Variants in TXK observed in about 807,000 individuals in gnomAD.
TXK encodes the protein tyrosine-protein kinase TXK.
In TXK, 60 loss-of-function variants were observed where a neutral mutation model predicts 81.0. The ratio of observed to expected loss-of-function variants is 0.74; its 90% CI spans 0.60 to 0.92. The LOEUF (loss-of-function observed/expected upper bound fraction) is 0.92, where lower values mean the gene tolerates loss of function less well. TXK is among the 40% of genes least tolerant of loss of function. TXK has a pLI of 0.00. For missense variants in TXK, 581 were observed against 638.3 expected (o/e 0.91, Z 0.97); for synonymous variants, 203 against 210.7 (o/e 0.96, Z 0.32).
chr4:48,117,286 C>T (rs762375310), intron 1 of TXK, among the ~76,000 whole-genome samples: 19 of 152,214 alleles, frequency 1.2e-4, no homozygotes, highest in Non-Finnish European at 2.1e-4. Flanking sequence ...CCCAAATATC[C>T]ATTCCTGTAG....
rs1716667985 is a variant in TXK at position 48,067,751 on chromosome 4, T to C, written c.1516-46A>G. 5.7e-6 allele frequency: 9 copies of C among 1,574,054 alleles called. No individual in the cohort carries two copies. In the East Asian group the frequency reaches 1.1e-4, roughly 20 times the overall value. ...TGGTTAGCTCAGCTTAACCAACTTA[T>C]GCCAAGGGTTCCATTTTTGGAACGC... On this transcript the variant is annotated intron_variant, in intron 14 of 14. Coordinates refer to ENST00000264316, the MANE Select transcript of TXK (RefSeq NM_003328.3).
chr4:48,117,094 G>A, intron 1 of TXK, among the ~76,000 whole-genome samples: 1 of 152,102 alleles, frequency 6.6e-6, no homozygotes, highest in East Asian at 1.9e-4. Context: ...CACCATGTTG[G>A]CCAGCCTAGT....
At chr4:48,130,983 G>T (rs1335359430) in intron 1 of TXK, among the ~76,000 whole-genome samples, 2 of 152,168 alleles carry the variant, frequency 1.3e-5, no homozygotes, top group Non-Finnish European at 2.9e-5. Flanking sequence ...GAAAGGCAGA[G>T]AAATTAGGCA....
chr4:48,095,019 G>C (rs993896857), intron 7 of TXK, 124 bp downstream of exon 7: 2 of 755,840 alleles, frequency 2.6e-6, no homozygotes, highest in Admixed American at 2.3e-5. Context: ...TCACGGACTG[G>C]TTGGTTTTTC....
At chr4:48,106,436 T>C (rs1560356251) in intron 5 of TXK, among the ~76,000 whole-genome samples, 1 of 152,046 alleles carries the variant, frequency 6.6e-6, no homozygotes, top group Non-Finnish European at 1.5e-5. Context: ...TAGACAACTC[T>C]TAGACCTAGA....
chr4:48,085,303 T>A lies in TXK; in HGVS notation c.956+1163A>T, dbSNP rs575154341. The stretch of plus-strand genomic sequence containing the variant: ...TCTGAAAGCAAATACTTTTTTATCC[T>A]TAAAAAACCATTAACTCTTTTTGGC... On this transcript the variant is annotated intron_variant, in intron 10 of 14. Coordinates refer to ENST00000264316, the MANE Select transcript of TXK (RefSeq NM_003328.3). Among the ~76,000 whole-genome samples, 4 of 152,122 alleles carry A rather than the reference T, an allele frequency of 2.6e-5. No homozygotes were observed. In the South Asian group the frequency reaches 8.3e-4, roughly 32 times the overall value.
intron 1 of TXK, among the ~76,000 whole-genome samples, chr4:48,120,869 GA>G (rs11445034): frequency 1.4e-5 from 2 of 147,526 alleles, no homozygotes; most frequent in Non-Finnish European, 3.0e-5. Context: ...ACCACTTCTA[GA>G]AAAAAAAAAC....
intron 12 of TXK, 39 bp downstream of exon 12, chr4:48,076,359 TAAAC>T (rs777466429): frequency 3.4e-5 from 47 of 1,388,216 alleles, no homozygotes; most frequent in Middle Eastern, 2.0e-4. Flanking sequence ...CTCTTATGAG[TAAAC>T]AAACAAACAA....
intron 6 of TXK, among the ~76,000 whole-genome samples, chr4:48,099,324 A>ACTCTTTGT (rs1718099758): frequency 1.3e-5 from 2 of 152,214 alleles, no homozygotes; most frequent in Admixed American, 1.3e-4. Context: ...AGAAAACTCT[A>ACTCTTTGT]AAATGCTCCT....
At chr4:48,077,339 A>C (rs1477205708) in intron 11 of TXK, among the ~76,000 whole-genome samples, 1 of 152,204 alleles carries the variant, frequency 6.6e-6, no homozygotes, top group African/African-American at 2.4e-5. Context: ...GTCAAGCAAC[A>C]AAAGCAAGAA....
At chr4:48,120,962 C>T (rs1718942840) in intron 1 of TXK, among the ~76,000 whole-genome samples, 1 of 152,158 alleles carries the variant, frequency 6.6e-6, no homozygotes, top group Non-Finnish European at 1.5e-5. Context: ...CTTACTGAAC[C>T]TCTCTCTTGG....
chr4:48,099,592 C>CA (rs1346438185), intron 6 of TXK, among the ~76,000 whole-genome samples: 6 of 151,818 alleles, frequency 4.0e-5, no homozygotes, highest in Non-Finnish European at 7.4e-5. Flanking sequence ...CTTATATGGA[C>CA]AAAAAATATA....
At chr4:48,114,989 T>A (rs555468458) in intron 1 of TXK, among the ~76,000 whole-genome samples, 1 of 152,042 alleles carries the variant, frequency 6.6e-6, no homozygotes, top group East Asian at 1.9e-4. Flanking sequence ...CCAAAAAAAT[T>A]AGACTGTCTG....
chr4:48,131,956 T>A (rs1719256291), intron 1 of TXK, among the ~76,000 whole-genome samples: 1 of 152,118 alleles, frequency 6.6e-6, no homozygotes, highest in African/African-American at 2.4e-5. Flanking sequence ...TTGGCCTATA[T>A]TTCTGTTTAC....
intron 6 of TXK, among the ~76,000 whole-genome samples, chr4:48,103,799 C>T (rs1474780216): frequency 6.6e-6 from 1 of 152,140 alleles, no homozygotes; most frequent in Non-Finnish European, 1.5e-5. Flanking sequence ...GAAACTGCAG[C>T]AGCATGTATT....
intron 1 of TXK, among the ~76,000 whole-genome samples, chr4:48,129,708 A>G (rs1055955438): frequency 6.6e-6 from 1 of 152,190 alleles, no homozygotes; most frequent in Non-Finnish European, 1.5e-5. Context: ...TGTTTGGTCT[A>G]TGAGGCAATT....
Position 48,082,512 on chromosome 4 carries a change from T to C in TXK, c.957-2384A>G, listed in dbSNP as rs192692650. Among the ~76,000 whole-genome samples the C allele has an allele frequency of 2.0e-3, 301 of 152,278 alleles. 2 individuals are homozygous for C. The highest frequency in any genetic ancestry group is 7.0e-3 in the African/African-American group (291 of 41,560). The stretch of plus-strand genomic sequence containing the variant: ...GTTCTTTGGATAATAACTCAACCAA[T>C]TGTCAATCAGAAAATCTTTGAATCT... On this transcript the variant is annotated intron_variant, in intron 10 of 14. Coordinates refer to ENST00000264316, the MANE Select transcript of TXK (RefSeq NM_003328.3).
chr4:48,129,222 T>A lies in TXK; in HGVS notation c.16+4933A>T, dbSNP rs569702978. On this transcript the variant is annotated intron_variant, in intron 1 of 14. Transcript: ENST00000264316. ...TGTCTGTGTTCGCACGTGTGTGCACTTTTCCTTTTGATACTAAAATGTCCA... is the reference window on the plus strand; with the variant it reads ...TGTCTGTGTTCGCACGTGTGTGCACATTTCCTTTTGATACTAAAATGTCCA... Among the ~76,000 whole-genome samples, 489 of 152,362 alleles carry A rather than the reference T, an allele frequency of 3.2e-3. 2 individuals carry two copies. Among genetic ancestry groups the A allele is most frequent in the African/African-American group, 0.011 (474 of 41,588 alleles).
At chr4:48,130,172 A>G (rs55809586) in intron 1 of TXK, among the ~76,000 whole-genome samples, 53,584 of 152,238 alleles carry the variant, frequency 0.35, 10,236 homozygotes, top group Non-Finnish European at 0.43. Context: ...AAGGGTGGCC[A>G]AAGTGGCCAA....
Sources: allele counts gnomAD v4.1 joint callset (sites outside exome capture counted in the v4.1 genomes callset), GRCh38; gene constraint gnomAD v4.1.1; transcripts MANE v1.5; gene names NCBI Gene and HGNC (gene_info 2026-07-23, HGNC 2026-07-21).